Variants in PCBP3 observed in about 807,000 individuals in gnomAD.
PCBP3 encodes poly(rC)-binding protein 3.
A neutral mutation model predicts 52.7 loss-of-function variants in PCBP3; 25 were observed. The observed-to-expected ratio is 0.47, with a 90% CI of 0.35 to 0.66. The LOEUF is 0.66. PCBP3 is among the 30% of genes least tolerant of loss of function. The pLI is 0.01. For synonymous variants in PCBP3, 162 were observed against 183.0 expected (o/e 0.89, Z 0.93); for missense variants, 391 against 490.3 (o/e 0.80, Z 1.91).
At chr21:45,663,238 G>A (rs573043058) in intron 1 of PCBP3, among the ~76,000 whole-genome samples, 46 of 152,198 alleles carry the variant, frequency 3.0e-4, no homozygotes, top group African/African-American at 9.9e-4. Context: ...CGTGACCCAC[G>A]TGACCTTACC....
At chr21:45,755,588 G>A (rs1226886897) in intron 4 of PCBP3, among the ~76,000 whole-genome samples, 136 bp downstream of exon 4, 5 of 152,184 alleles carry the variant, frequency 3.3e-5, no homozygotes, top group Non-Finnish European at 5.9e-5. Context: ...AGCATTCAGT[G>A]TTGTCAGCTT....
chr21:45,789,259 G>C (rs951123474), intron 4 of PCBP3, among the ~76,000 whole-genome samples: 1 of 152,320 alleles, frequency 6.6e-6, no homozygotes, highest in South Asian at 2.1e-4. Context: ...GTGTGTGTGT[G>C]ATTGCATGTA....
chr21:45,676,720 G>T (rs149325806), intron 2 of PCBP3, among the ~76,000 whole-genome samples: 4 of 152,088 alleles, frequency 2.6e-5, no homozygotes, highest in African/African-American at 9.6e-5. Context: ...CCCTTCAGTG[G>T]CCTCTACATG....
chr21:45,894,942 A>AT (rs1467890121), intron 5 of PCBP3, among the ~76,000 whole-genome samples: 2 of 152,240 alleles, frequency 1.3e-5, no homozygotes. Context: ...ACAGATAACA[A>AT]TTTGTAATAA....
rs918086307 is a variant in PCBP3, at chr21:45,837,991, G to A, written c.-125-11970G>A. Among the ~76,000 whole-genome samples the A allele has an allele frequency of 6.6e-6, 1 of 152,200 alleles. No homozygotes were observed. Among genetic ancestry groups the A allele is most frequent in the African/African-American group, 2.4e-5 (1 of 41,446 alleles). ...TTGGGATTCATCTATGTGGAATAAC[G>A]TTTGCCTCATCCACTAGGGCTGTTT... On this transcript the variant is annotated intron_variant, in intron 4 of 17. Transcript: ENST00000681687. This position sits in a 1 kb window ranked among gnomAD's most constrained non-coding sequence, Gnocchi z 4.1.
chr21:45,894,162 A>C (rs920138422), intron 5 of PCBP3: 19 of 353,762 alleles, frequency 5.4e-5, no homozygotes, highest in Non-Finnish European at 7.5e-5. Flanking sequence ...CCCGCACGGC[A>C]CAGGATGGCC....
intron 2 of PCBP3, among the ~76,000 whole-genome samples, chr21:45,684,822 T>TA (rs1270069034): frequency 1.3e-5 from 2 of 152,328 alleles, no homozygotes; most frequent in Non-Finnish European, 2.9e-5. Flanking sequence ...ACAGTGCTCA[T>TA]AAAATGTCTG....
At chr21:45,718,533 T>C (rs2084384709) in intron 2 of PCBP3, among the ~76,000 whole-genome samples, 1 of 152,006 alleles carries the variant, frequency 6.6e-6, no homozygotes, top group South Asian at 2.1e-4. Flanking sequence ...TTCTCATTGA[T>C]TGCTGGGCTC....
rs2075945618 is a variant in PCBP3 at position 45,929,836 on chromosome 21, T to A, written c.718-81T>A. ...CTCTTTCTATCTATCTGTGCAAAGT[T>A]CTGTTACTGCCGTTTTAATTTGGTG... On this transcript the variant is annotated intron_variant, in intron 13 of 17. Coordinates refer to ENST00000681687, the MANE Select transcript of PCBP3 (RefSeq NM_001384156.1). 24 of 1,035,164 alleles carry A rather than the reference T, an allele frequency of 2.3e-5. 2 individuals are homozygous for A. In the South Asian group the frequency reaches 3.1e-4, roughly 13 times the overall value. 64.1% of individuals were successfully genotyped at this position (1,035,164 alleles called of 1,614,324 possible).
At chr21:45,730,759 C>T (rs1228761508) in intron 2 of PCBP3, among the ~76,000 whole-genome samples, 1 of 152,086 alleles carries the variant, frequency 6.6e-6, no homozygotes, top group Non-Finnish European at 1.5e-5. Context: ...AAACTGACCC[C>T]TTAATTATTA....
At position 45,672,416 on chromosome 21, in the gene PCBP3, C is replaced by G. The variant is rs564555059; in HGVS notation, c.-200+3464C>G. 2.6e-5 allele frequency among the ~76,000 whole-genome samples: 4 copies of G among 152,144 alleles called. No homozygotes were observed. The South Asian group carries it at 8.3e-4, about 32-fold the overall frequency. On this transcript the variant is annotated intron_variant, in intron 2 of 17. Transcript: ENST00000681687. Reference sequence around the variant, plus strand: ...GGTTAGGGGCTGCAAGATCCCACAGCCTGCTTTCTGCTTGTGGAAGTTTGG... The same window carrying G: ...GGTTAGGGGCTGCAAGATCCCACAGGCTGCTTTCTGCTTGTGGAAGTTTGG...
chr21:45,784,725 G>A (rs1389367503), intron 4 of PCBP3, among the ~76,000 whole-genome samples: 1 of 152,260 alleles, frequency 6.6e-6, no homozygotes, highest in African/African-American at 2.4e-5. Context: ...GGCCTCCCGA[G>A]GTGCCGGGAT....
intron 5 of PCBP3, among the ~76,000 whole-genome samples, chr21:45,851,241 G>A (rs1010981986): frequency 1.3e-5 from 2 of 152,264 alleles, no homozygotes; most frequent in South Asian, 2.1e-4. Flanking sequence ...AGGGCCGGGC[G>A]TGGTGGCTCA....
intron 4 of PCBP3, among the ~76,000 whole-genome samples, chr21:45,769,632 G>T (rs1036128954): frequency 6.6e-6 from 1 of 152,232 alleles, no homozygotes; most frequent in Non-Finnish European, 1.5e-5. Context: ...CTGGGTTGGC[G>T]TGCAGGCCAG....
intron 3 of PCBP3, among the ~76,000 whole-genome samples, chr21:45,751,976 T>G (rs988441839): frequency 6.6e-6 from 1 of 152,368 alleles, no homozygotes; most frequent in East Asian, 1.9e-4. Flanking sequence ...TTGGTCTTTT[T>G]TGTCCCCTCA....
At chr21:45,668,060 T>A (rs2080921976) in intron 1 of PCBP3, among the ~76,000 whole-genome samples, 1 of 152,174 alleles carries the variant, frequency 6.6e-6, no homozygotes, top group Non-Finnish European at 1.5e-5. Flanking sequence ...AGTTTATAAG[T>A]GCCTTAGCCT....
At chr21:45,779,718 T>A (rs1022789328) in intron 4 of PCBP3, among the ~76,000 whole-genome samples, 1 of 152,230 alleles carries the variant, frequency 6.6e-6, no homozygotes, top group Non-Finnish European at 1.5e-5. Context: ...ATAAATACAT[T>A]GAGAGATATA....
chr21:45,835,845 C>T (rs2093573291), intron 4 of PCBP3, among the ~76,000 whole-genome samples: 1 of 152,134 alleles, frequency 6.6e-6, no homozygotes, highest in African/African-American at 2.4e-5. Context: ...GCCTTATGCC[C>T]TGGGGAGAGG....
At chr21:45,697,920 AG>A (rs1448741357) in intron 2 of PCBP3, among the ~76,000 whole-genome samples, 5 of 152,078 alleles carry the variant, frequency 3.3e-5, no homozygotes, top group Non-Finnish European at 5.9e-5. Context: ...ATAAGTGGCC[AG>A]GGGTAGATAT....
Sources: allele counts gnomAD v4.1 joint callset (sites outside exome capture counted in the v4.1 genomes callset), GRCh38; gene constraint gnomAD v4.1.1; non-coding constraint Gnocchi (gnomAD v3.1); transcripts MANE v1.5; gene names NCBI Gene and HGNC (gene_info 2026-07-23, HGNC 2026-07-21).